CDYL: variants seen among roughly 807,000 people sequenced by gnomAD.
CDYL encodes chromodomain Y-like protein.
Under a neutral mutation model 47.3 loss-of-function variants are expected in CDYL, and 8 were observed. The observed-to-expected ratio is 0.17, with a 90% CI of 0.10 to 0.31. CDYL has a LOEUF of 0.31. Among genes scored for constraint, CDYL ranks in the 10% least tolerant of loss-of-function variants. CDYL has a pLI of 1.00. For missense variants in CDYL, 471 were observed against 701.4 expected (o/e 0.67, Z 3.71); for synonymous variants, 266 against 265.0 (o/e 1.00, Z -0.04).
chr6:4,842,041 T>C (rs2127459345), intron 1 of CDYL, among the ~76,000 whole-genome samples: 1 of 144,816 alleles, frequency 6.9e-6, no homozygotes, highest in East Asian at 2.0e-4. Context: ...ATATAATTTA[T>C]ATATATTATA....
chr6:4,861,753 G>T (rs61011591), intron 1 of CDYL, among the ~76,000 whole-genome samples: 1 of 152,106 alleles, frequency 6.6e-6, no homozygotes, highest in African/African-American at 2.4e-5. Flanking sequence ...TTGCCATTGC[G>T]CAGTACTGTA....
At chr6:4,855,892 A>T (rs145020625) in intron 1 of CDYL, among the ~76,000 whole-genome samples, 1 of 152,318 alleles carries the variant, frequency 6.6e-6, no homozygotes, top group East Asian at 1.9e-4. Flanking sequence ...GTCACGGCCA[A>T]GCTCAGTACT....
intron 2 of CDYL, among the ~76,000 whole-genome samples, chr6:4,919,979 C>T (rs1192972365): frequency 6.6e-6 from 1 of 151,692 alleles, no homozygotes; most frequent in Non-Finnish European, 1.5e-5. Context: ...AATAAATAGA[C>T]AAAATGTGGC....
At chr6:4,730,674 CAAAAAAAAAAAAAA>C (rs56956798) in intron 2 of CDYL, among the ~76,000 whole-genome samples, 13,780 of 60,596 alleles carry the variant, frequency 0.23, 926 homozygotes, top group Middle Eastern at 0.32. Flanking sequence ...AATTCCATCT[CAAAAAAAAAAAAAA>C]AAAAAAAAAA....
intron 1 of CDYL, among the ~76,000 whole-genome samples, chr6:4,884,053 GA>G (rs1009860876): frequency 3.0e-4 from 46 of 152,202 alleles, no homozygotes; most frequent in African/African-American, 1.1e-3. Flanking sequence ...ATGGTGGTAG[GA>G]AATTTGTCCA....
intron 2 of CDYL, among the ~76,000 whole-genome samples, chr6:4,727,646 C>T (rs940553554): frequency 3.4e-5 from 4 of 116,950 alleles, no homozygotes; most frequent in Non-Finnish European, 4.8e-5. Flanking sequence ...CTATTTGATG[C>T]TGTGTTTAGC....
At chr6:4,917,233 A>G (rs569074791) in intron 2 of CDYL, among the ~76,000 whole-genome samples, 17 of 152,206 alleles carry the variant, frequency 1.1e-4, no homozygotes, top group African/African-American at 4.1e-4. Flanking sequence ...TAGATCTTAG[A>G]AGTACCAGAT....
chr6:4,793,723 T>C (rs569268327), intron 1 of CDYL, among the ~76,000 whole-genome samples: 1 of 152,144 alleles, frequency 6.6e-6, no homozygotes, highest in African/African-American at 2.4e-5. Flanking sequence ...GTGGTGACAT[T>C]GGGAGGTAGT....
chr6:4,950,577 A>G (rs1758667415), intron 5 of CDYL, among the ~76,000 whole-genome samples: 1 of 152,150 alleles, frequency 6.6e-6, no homozygotes, highest in Non-Finnish European at 1.5e-5. Flanking sequence ...TCCACTGTTT[A>G]TGGACCGTCT....
At chr6:4,811,371 C>A (rs1041622145) in intron 1 of CDYL, among the ~76,000 whole-genome samples, 1 of 151,688 alleles carries the variant, frequency 6.6e-6, no homozygotes, top group African/African-American at 2.4e-5. Flanking sequence ...TTTAAAAGTA[C>A]CTCTTCAGTA....
At chr6:4,935,061 T>C (rs887237639) in intron 2 of CDYL, among the ~76,000 whole-genome samples, 1 of 152,242 alleles carries the variant, frequency 6.6e-6, no homozygotes, top group Non-Finnish European at 1.5e-5. Flanking sequence ...GAAGGCTGGC[T>C]GCATCCACGT....
rs114227496 is a variant in CDYL, at chr6:4,795,413, T to C, written c.24+18606T>C. Among the ~76,000 whole-genome samples, 1,303 of 152,296 alleles carry C rather than the reference T, an allele frequency of 8.6e-3. 21 individuals carry two copies. The highest frequency in any genetic ancestry group is 0.03 in the African/African-American group (1,252 of 41,576). The stretch of plus-strand genomic sequence containing the variant: ...AAGAGAAAGACACAACTGAATATTT[T>C]TTTCTCTTCTCAGTTTTTAGAATTT... On this transcript the variant is annotated intron_variant, in intron 1 of 6. Coordinates refer to ENST00000397588, the MANE Select transcript of CDYL (RefSeq NM_004824.4).
chr6:4,831,519 T>G (rs1164469621), intron 1 of CDYL, among the ~76,000 whole-genome samples: 1 of 152,240 alleles, frequency 6.6e-6, no homozygotes, highest in Non-Finnish European at 1.5e-5. Context: ...GCGTGATGCC[T>G]CCAGCTTTGT....
intron 1 of CDYL, among the ~76,000 whole-genome samples, chr6:4,781,202 A>ATTTGC (rs1758609666): frequency 6.6e-6 from 1 of 152,170 alleles, no homozygotes; most frequent in African/African-American, 2.4e-5. Flanking sequence ...TTTGCAGGGG[A>ATTTGC]AGGTAGGTCT....
chr6:4,906,801 TG>T (rs1757250897), intron 2 of CDYL, among the ~76,000 whole-genome samples: 1 of 150,590 alleles, frequency 6.6e-6, no homozygotes, highest in African/African-American at 2.5e-5. Context: ...TCGTTTTATC[TG>T]GGGGAGAAGG....
intron 4 of CDYL, among the ~76,000 whole-genome samples, chr6:4,938,675 G>C (rs1000965856): frequency 4.6e-5 from 7 of 152,114 alleles, no homozygotes; most frequent in African/African-American, 1.7e-4. Flanking sequence ...TAGATGTCTT[G>C]ATCTAAGCAT....
In CDYL at chr6:4,841,524, G is replaced by A. The variant is rs113186901; in HGVS notation, c.25-50189G>A. Reference sequence around the variant, plus strand: ...TCTTTCAGACTTTTCAGTGTTAGGCGTTTAAGCATATGAACTTTCCACTTA... The same window carrying A: ...TCTTTCAGACTTTTCAGTGTTAGGCATTTAAGCATATGAACTTTCCACTTA... On this transcript the variant is annotated intron_variant, in intron 1 of 6. Transcript: ENST00000397588. 7.7e-3 allele frequency among the ~76,000 whole-genome samples: 1,170 copies of A among 152,098 alleles called. 12 individuals carry two copies. The highest frequency in any genetic ancestry group is 0.027 in the African/African-American group (1,122 of 41,514).
intron 3 of CDYL, among the ~76,000 whole-genome samples, chr6:4,743,566 T>C (rs528271693): frequency 6.6e-6 from 1 of 152,324 alleles, no homozygotes; most frequent in South Asian, 2.1e-4. Context: ...ATTCAGGAAA[T>C]GGCAATTTTG....
intron 2 of CDYL, among the ~76,000 whole-genome samples, chr6:4,919,266 A>G (rs1003951369): frequency 3.9e-5 from 6 of 152,144 alleles, no homozygotes; most frequent in African/African-American, 1.4e-4. Context: ...TGTATACATT[A>G]AAACTGCAAG....
Sources: allele counts gnomAD v4.1 joint callset (sites outside exome capture counted in the v4.1 genomes callset), GRCh38; gene constraint gnomAD v4.1.1; transcripts MANE v1.5; gene names NCBI Gene and HGNC (gene_info 2026-07-23, HGNC 2026-07-21).